The following ETNK2 variants were observed in gnomAD, a reference collection of about 807,000 sequenced individuals.
ETNK2 encodes the protein ethanolamine kinase-like protein.
In ETNK2, 33 loss-of-function variants were observed where a neutral mutation model predicts 46.2. That is an observed-to-expected ratio of 0.71 (90% confidence interval 0.54 to 0.96). The LOEUF (loss-of-function observed/expected upper bound fraction) is 0.96, where lower values mean the gene tolerates loss of function less well. ETNK2 is among the 40% of genes least tolerant of loss of function. The pLI is 0.00. For missense variants in ETNK2, 445 were observed against 509.7 expected (o/e 0.87, Z 1.22); for synonymous variants, 194 against 209.0 (o/e 0.93, Z 0.62).
Position 204,137,357 on chromosome 1 carries a change from TCTTTG to T in ETNK2, c.869-113_869-109del, listed in dbSNP as rs891248478. On this transcript the variant is annotated intron_variant, in intron 5 of 7. Transcript: ENST00000367202. ...CCCCTCAAACTCCCATCTCCTTTGA[TCTTTG>T]GGGCTGTGCCCAAGGAGGCGGCCCG... 1.9e-5 allele frequency: 27 copies of T among 1,390,848 alleles called. No homozygotes were observed. The African/African-American group carries it at 3.8e-4, about 19-fold the overall frequency. 86.2% of individuals were successfully genotyped at this position (1,390,848 alleles called of 1,614,324 possible).
At position 204,134,644 on chromosome 1, in the gene ETNK2, T is replaced by C. The variant is rs767625923; in HGVS notation, c.1015-56A>G. 5 of 1,613,978 alleles carry C rather than the reference T, an allele frequency of 3.1e-6. No homozygotes were observed. The South Asian group carries it at 4.4e-5, about 14-fold the overall frequency. On this transcript the variant is annotated intron_variant, in intron 6 of 7. Coordinates refer to ENST00000367202, the MANE Select transcript of ETNK2 (RefSeq NM_018208.4). The stretch of plus-strand genomic sequence containing the variant: ...CAATCTCCCCATGCCTGTTTCCGAC[T>C]CTACAGCACTGGAGGGATGCAGTCA...
At chr1:204,132,306 G>T in intron 7 of ETNK2, 50 bp from the exon 8 acceptor site, 1 of 1,457,316 alleles carries the variant, frequency 6.9e-7, no homozygotes. Context: ...AGCCAGGTGG[G>T]CCCTGCTGGG....
At chr1:204,134,737 A>G in intron 6 of ETNK2, 149 bp from the exon 7 acceptor site, 1 of 1,556,836 alleles carries the variant, frequency 6.4e-7, no homozygotes, top group Non-Finnish European at 8.7e-7. Flanking sequence ...AAGCTGGGGA[A>G]ATTCTGGAGG....
At position 204,151,457 on chromosome 1, in the gene ETNK2, A is replaced by G; in HGVS notation, c.258+138T>C. ...AGCGACGAAATCAATCCGTACACAA[A>G]CCACGTTCCAAACCTTTCTTGCGCA... On this transcript the variant is annotated intron_variant, in intron 1 of 7. Coordinates refer to ENST00000367202, the MANE Select transcript of ETNK2 (RefSeq NM_018208.4). This position sits in a 1 kb window ranked among gnomAD's most constrained non-coding sequence, Gnocchi z 8.0. 1 of 1,273,328 alleles carries G rather than the reference A, an allele frequency of 7.9e-7. No homozygotes were observed. The highest frequency in any genetic ancestry group is 1.1e-6 in the Non-Finnish European group (1 of 922,680). The allele number at this position is 1,273,328 out of a possible 1,614,324, so 78.9% of individuals were successfully genotyped here. A position where few individuals can be genotyped will look rare whatever the true frequency, so the allele number is the denominator to read the frequency against.
intron 2 of ETNK2, among the ~76,000 whole-genome samples, chr1:204,149,324 G>A (rs1657910673): frequency 6.6e-6 from 1 of 152,130 alleles, no homozygotes; most frequent in Admixed American, 6.5e-5. Context: ...CAGAGACAGA[G>A]GTAGAAAACC....
chr1:204,139,589 CCA>C, intron 5 of ETNK2, among the ~76,000 whole-genome samples: 1 of 152,182 alleles, frequency 6.6e-6, no homozygotes, highest in Non-Finnish European at 1.5e-5. Flanking sequence ...AAGTATAGAA[CCA>C]CCTCTGGCCT....
intron 3 of ETNK2, among the ~76,000 whole-genome samples, chr1:204,145,650 A>ATG (rs1657752423): frequency 6.6e-6 from 1 of 152,222 alleles, no homozygotes; most frequent in Non-Finnish European, 1.5e-5. Flanking sequence ...AAAGTCATGC[A>ATG]TGTGTGTGAC....
At chr1:204,141,056 G>A in intron 4 of ETNK2, 1 of 539,292 alleles carries the variant, frequency 1.9e-6, no homozygotes, top group East Asian at 3.8e-5. Context: ...GAATTCCTGG[G>A]CTTAAGCAAT....
chr1:204,137,104 C>A lies in ETNK2; in HGVS notation c.1014G>T (p.Leu338=). ...RLYVQVNKFA[L]ASHFFWALWA... Reference sequence around the variant, plus strand: ...CCAGCCCTAGAAATAAGGCACTCACCAGGGCAAACTTGTTGACTTGCACGT... The same window carrying A: ...CCAGCCCTAGAAATAAGGCACTCACAAGGGCAAACTTGTTGACTTGCACGT... The change falls in exon 6 of 8, where the codon CTG becomes CTT. Residue 338 remains leucine, a splice_region_variant and synonymous_variant. Transcript: ENST00000367202. 1.9e-6 allele frequency: 3 copies of A among 1,613,588 alleles called. No individual in the cohort carries two copies. Among genetic ancestry groups the A allele is most frequent in the Non-Finnish European group, 2.5e-6 (3 of 1,179,698 alleles).
rs1162624381 is a variant in ETNK2 at position 204,132,189 on chromosome 1, T to G, written c.1156A>C (p.Lys386Gln). The G allele has an allele frequency of 1.3e-6, 2 of 1,570,958 alleles. No individual in the cohort carries two copies. Among genetic ancestry groups the G allele is most frequent in the Non-Finnish European group, 1.7e-6 (2 of 1,157,840 alleles). The change falls in exon 8 of 8, where the codon AAG (lysine) becomes CAG (glutamine). Residue 386 changes from lysine to glutamine, a missense_variant. Coordinates refer to ENST00000367202, the MANE Select transcript of ETNK2 (RefSeq NM_018208.4). ...KPQASALEMP[K>Q] is the part of the protein sequence containing the mutation. ...GGGAGGGATGGGGTGGCTGGTCACT[T>G]TGGCATCTCCAAGGCTGACGCTTGA...
chr1:204,144,430 G>A (rs1042275064), intron 3 of ETNK2, among the ~76,000 whole-genome samples: 1 of 148,732 alleles, frequency 6.7e-6, no homozygotes, highest in African/African-American at 2.5e-5. Context: ...GGGCACTTCA[G>A]GGGAATCTTA....
At chr1:204,140,799 AGGCATGAGCCACCGC>A (rs1446100734) in intron 4 of ETNK2, among the ~76,000 whole-genome samples, 1 of 147,678 alleles carries the variant, frequency 6.8e-6, no homozygotes, top group African/African-American at 2.5e-5. Flanking sequence ...CTGGGATTAC[AGGCATGAGCCACCGC>A]GCCTGGCCAG....
chr1:204,146,511 G>T, intron 3 of ETNK2, 131 bp downstream of exon 3: 1 of 1,062,278 alleles, frequency 9.4e-7, no homozygotes, highest in Non-Finnish European at 1.4e-6. Flanking sequence ...TGAAGGGACT[G>T]CAGGAGAAAC....
intron 1 of ETNK2, chr1:204,150,933 C>T (rs1423498475): frequency 2.0e-5 from 3 of 152,862 alleles, no homozygotes; most frequent in East Asian, 1.9e-4. Flanking sequence ...AGGCAGCCCA[C>T]AGCGGGGCTG....
At position 204,148,177 on chromosome 1, in the gene ETNK2, T is replaced by C. The variant is rs541006610; in HGVS notation, c.519-1413A>G. 3.3e-5 allele frequency among the ~76,000 whole-genome samples: 5 copies of C among 152,030 alleles called. No individual in the cohort carries two copies. In the East Asian group the frequency reaches 7.7e-4, roughly 23 times the overall value. ...CATTCACCTTCACCCAGAGGGATGA[T>C]GGTCTATCCTGGGAAAATCATCAAG... is the stretch of plus-strand genomic sequence containing the variant. On this transcript the variant is annotated intron_variant, in intron 2 of 7. Transcript: ENST00000367202.
chr1:204,133,683 C>T (rs1657166675), intron 7 of ETNK2, among the ~76,000 whole-genome samples: 1 of 151,918 alleles, frequency 6.6e-6, no homozygotes, highest in Admixed American at 6.6e-5. Context: ...AGGCGCCCGC[C>T]ACCACGCCCG....
intron 4 of ETNK2, among the ~76,000 whole-genome samples, chr1:204,140,822 C>T (rs1433825802): frequency 9.2e-6 from 1 of 108,502 alleles, no homozygotes; most frequent in African/African-American, 3.5e-5. Flanking sequence ...CGCGCCTGGC[C>T]AGACTTTTTT....
At chr1:204,149,613 C>A in intron 2 of ETNK2, 90 bp downstream of exon 2, 1 of 1,450,602 alleles carries the variant, frequency 6.9e-7, no homozygotes, top group Non-Finnish European at 9.2e-7. Context: ...ACAGATCTTA[C>A]AACTCTCCAC....
At chr1:204,135,215 G>A (rs535342001) in intron 6 of ETNK2, among the ~76,000 whole-genome samples, 10 of 152,240 alleles carry the variant, frequency 6.6e-5, no homozygotes, top group East Asian at 1.9e-4. Context: ...GCCTCAAACC[G>A]TGCTCTCCTT....
Sources: gnomAD v4.1 joint callset for allele counts (sites outside exome capture counted in the v4.1 genomes callset) on GRCh38, gnomAD v4.1.1 for gene constraint, Gnocchi (gnomAD v3.1) non-coding constraint, MANE v1.5 for transcripts, NCBI Gene and HGNC (gene_info 2026-07-23, HGNC 2026-07-21) for gene names.